Variants in RGS7 observed in about 807,000 individuals in gnomAD.
The protein encoded by RGS7 is regulator of G-protein signaling 7.
RGS7 carries 27 observed loss-of-function variants against 81.1 expected under a neutral mutation model. That is an observed-to-expected ratio of 0.33 (90% CI 0.25 to 0.46). The LOEUF is 0.46. RGS7 is among the 20% of genes least tolerant of loss of function. The probability of loss-of-function intolerance (pLI) is 1.00; values close to 1 mark genes in which losing one functional copy is unlikely to be tolerated. For missense variants in RGS7, 396 were observed against 607.4 expected, an observed-to-expected ratio of 0.65 and a Z score of 3.66; for synonymous variants, 208 against 207.7, an observed-to-expected ratio of 1.00 and a Z score of -0.01.
chr1:241,240,561 A>G (rs1274179551), intron 2 of RGS7, among the ~76,000 whole-genome samples: 1 of 152,232 alleles, frequency 6.6e-6, no homozygotes, highest in Non-Finnish European at 1.5e-5. Context: ...CGTGTAAAAG[A>G]GTAAACCTCA....
Position 240,823,726 on chromosome 1 carries a change from C to A in RGS7, c.684+3372G>T, listed in dbSNP as rs368662289. Among the ~76,000 whole-genome samples the A allele has an allele frequency of 9.9e-5, 15 of 152,170 alleles. No individual in the cohort carries two copies. In the South Asian group the frequency reaches 1.2e-3, roughly 13 times the overall value. ...CTTCCCTAGGTCTCCAGCCTGGTGG[C>A]CTCCCCCATGAGATTTTGAACTCGC... On this transcript the variant is annotated intron_variant, in intron 10 of 18. Coordinates refer to ENST00000440928, the MANE Select transcript of RGS7 (RefSeq NM_001364886.1).
chr1:241,006,192 A>C (rs187115280), intron 3 of RGS7, among the ~76,000 whole-genome samples: 40 of 152,340 alleles, frequency 2.6e-4, no homozygotes, highest in African/African-American at 9.4e-4. Flanking sequence ...CTCAGTTATA[A>C]TCTTCCCTTG....
rs183338095 is a variant in RGS7, at chr1:240,883,348, A to T, written c.386-13229T>A. Among the ~76,000 whole-genome samples, 477 of 151,198 alleles carry T rather than the reference A, an allele frequency of 3.2e-3. 3 individuals carry two copies. The highest frequency in any genetic ancestry group is 0.014 in the Middle Eastern group (4 of 294). On this transcript the variant is annotated intron_variant, in intron 6 of 18. Coordinates refer to ENST00000440928, the MANE Select transcript of RGS7 (RefSeq NM_001364886.1). ...AGTATAATAATAATAAAAATTTTTTAAAAAAACAAAAAACAATGTCACTAT... is the reference window on the plus strand; with the variant it reads ...AGTATAATAATAATAAAAATTTTTTTAAAAAACAAAAAACAATGTCACTAT...
At chr1:241,320,938 A>G (rs1457296480) in intron 2 of RGS7, among the ~76,000 whole-genome samples, 2 of 152,244 alleles carry the variant, frequency 1.3e-5, no homozygotes, top group African/African-American at 4.8e-5. Context: ...GCCTAATATC[A>G]TCAATGTAAA....
intron 2 of RGS7, among the ~76,000 whole-genome samples, chr1:241,327,025 AGGAAGGAAGGAAGGGAGGGAGGG>A (rs2148633720): frequency 7.1e-5 from 1 of 14,182 alleles, no homozygotes; most frequent in East Asian, 3.4e-3. Flanking sequence ...GAAGGAAGGA[AGGAAGGAAGGAAGGGAGGGAGGG>A]GAAAGGAAGG....
chr1:241,107,455 A>G (rs541063407), intron 2 of RGS7, among the ~76,000 whole-genome samples: 1 of 152,184 alleles, frequency 6.6e-6, no homozygotes, highest in Non-Finnish European at 1.5e-5. Flanking sequence ...GCCATAAATA[A>G]GAGTCTATTA....
At chr1:241,214,555 A>C (rs919944225) in intron 2 of RGS7, among the ~76,000 whole-genome samples, 1 of 152,114 alleles carries the variant, frequency 6.6e-6, no homozygotes, top group African/African-American at 2.4e-5. Flanking sequence ...CCAAATTTGG[A>C]AAATTTTCAG....
chr1:240,877,915 C>T (rs1470410172), intron 6 of RGS7, among the ~76,000 whole-genome samples: 1 of 152,150 alleles, frequency 6.6e-6, no homozygotes, highest in East Asian at 1.9e-4. Context: ...TCAGCAAAGC[C>T]ATCAGAGTTA....
At chr1:241,300,728 G>A (rs764843195) in intron 2 of RGS7, among the ~76,000 whole-genome samples, 11 of 152,196 alleles carry the variant, frequency 7.2e-5, no homozygotes, top group Non-Finnish European at 1.2e-4. Flanking sequence ...AAACACTTGT[G>A]CACAGGTTTT....
intron 4 of RGS7, among the ~76,000 whole-genome samples, chr1:240,981,450 T>C (rs1004129964): frequency 1.3e-5 from 2 of 152,154 alleles, no homozygotes; most frequent in Non-Finnish European, 2.9e-5. Flanking sequence ...TTAAATCTAC[T>C]TCACCTCTGA....
At chr1:241,199,646 T>G (rs1017492280) in intron 2 of RGS7, among the ~76,000 whole-genome samples, 3 of 147,480 alleles carry the variant, frequency 2.0e-5, no homozygotes, top group Non-Finnish European at 4.5e-5. Flanking sequence ...ATGACAGAAG[T>G]CTAGTCCTCT....
intron 2 of RGS7, among the ~76,000 whole-genome samples, chr1:241,299,788 T>C (rs2079624653): frequency 6.9e-6 from 1 of 144,946 alleles, no homozygotes; most frequent in South Asian, 2.3e-4. Context: ...AAGCATCATT[T>C]AGGTACTCTC....
At chr1:241,305,865 C>T in intron 2 of RGS7, 1 of 306,166 alleles carries the variant, frequency 3.3e-6, no homozygotes, top group South Asian at 2.8e-5. Context: ...TTGAGGCCCA[C>T]GGCCATGGGG....
chr1:241,279,057 G>T (rs929119183), intron 2 of RGS7, among the ~76,000 whole-genome samples: 1 of 151,936 alleles, frequency 6.6e-6, no homozygotes, highest in African/African-American at 2.4e-5. Flanking sequence ...TGGTTCCTTC[G>T]CCATTGAAGA....
Position 240,964,412 on chromosome 1 carries a change from G to A in RGS7, c.226+18667C>T, listed in dbSNP as rs57113106. ...TAGGATTGAGTGACTTTTCAACAGC[G>A]ACGTGCAGAATTTCAGATAGACACG... is the stretch of plus-strand genomic sequence containing the variant. On this transcript the variant is annotated intron_variant, in intron 4 of 18. Coordinates refer to ENST00000440928, the MANE Select transcript of RGS7 (RefSeq NM_001364886.1). Among the ~76,000 whole-genome samples the A allele has an allele frequency of 2.2e-3, 341 of 152,198 alleles. 1 individual carries two copies. The highest frequency in any genetic ancestry group is 7.8e-3 in the African/African-American group (326 of 41,534).
intron 3 of RGS7, among the ~76,000 whole-genome samples, chr1:241,026,169 T>C (rs954706076): frequency 2.6e-5 from 4 of 152,238 alleles, no homozygotes; most frequent in African/African-American, 7.2e-5. Flanking sequence ...ATTTTTCTTA[T>C]TATATTTTGC....
intron 6 of RGS7, among the ~76,000 whole-genome samples, chr1:240,885,539 A>G (rs12069905): frequency 0.45 from 68,087 of 152,040 alleles, 15,789 homozygotes; most frequent in East Asian, 0.53. Flanking sequence ...AATGTGGTGC[A>G]GCTACATCAT....
intron 18 of RGS7, among the ~76,000 whole-genome samples, chr1:240,799,999 C>T (rs1687772863): frequency 6.6e-6 from 1 of 152,172 alleles, no homozygotes; most frequent in Non-Finnish European, 1.5e-5. Context: ...CCCCAGGTTA[C>T]ATCACTATTT....
rs570353815 is a variant in RGS7 at position 241,013,625 on chromosome 1, C to T, written c.176-30496G>A. On this transcript the variant is annotated intron_variant, in intron 3 of 18. Coordinates refer to ENST00000440928, the MANE Select transcript of RGS7 (RefSeq NM_001364886.1). The stretch of plus-strand genomic sequence containing the variant: ...GCACTAGGGATCTGAAAGGGCCCCT[C>T]CTCCATTTCATAGCTCAGAAAGCTT... Among the ~76,000 whole-genome samples, 8 of 152,308 alleles carry T rather than the reference C, an allele frequency of 5.3e-5. No homozygotes were observed. The South Asian group carries it at 1.0e-3, about 20-fold the overall frequency.
Sources: gnomAD v4.1 joint callset for allele counts (sites outside exome capture counted in the v4.1 genomes callset) on GRCh38, gnomAD v4.1.1 for gene constraint, MANE v1.5 for transcripts, NCBI Gene and HGNC (gene_info 2026-07-23, HGNC 2026-07-21) for gene names.